Variants in STXBP5L observed in about 807,000 individuals in gnomAD.
STXBP5L encodes the protein syntaxin binding protein 5L, also known as syntaxin-binding protein 5-like.
In STXBP5L, 65 loss-of-function variants were observed where a neutral mutation model predicts 144.5. That is an observed-to-expected ratio of 0.45 (90% CI 0.37 to 0.55). The LOEUF (loss-of-function observed/expected upper bound fraction) is 0.55. Ranked by LOEUF, STXBP5L falls within the 20% of genes least tolerant of loss-of-function variation. STXBP5L has a pLI of 0.00. For synonymous variants in STXBP5L, 505 were observed against 469.6 expected (o/e 1.08, Z -0.97); for missense variants, 1,298 against 1,405.5 (o/e 0.92, Z 1.22).
At position 121,419,225 on chromosome 3, in the gene STXBP5L, A is replaced by C. The variant is rs1033612586; in HGVS notation, c.*128A>C. ...ATGTTCCATTTACAGTCAATCTGAA[A>C]TTTTCATAAAAGAGATGTATCAGAG... On this transcript the variant is annotated 3_prime_UTR_variant, in exon 27 of 27. Transcript: ENST00000471454. The C allele has an allele frequency of 8.3e-6, 8 of 958,562 alleles. No homozygotes were observed. The highest frequency in any genetic ancestry group is 9.1e-6 in the Non-Finnish European group (6 of 659,134). The allele number at this position is 958,562 out of a possible 1,614,324, so 59.4% of individuals were successfully genotyped here.
chr3:121,130,674 T>C (rs995365155), intron 7 of STXBP5L, among the ~76,000 whole-genome samples: 2 of 152,030 alleles, frequency 1.3e-5, no homozygotes, highest in Non-Finnish European at 1.5e-5. Flanking sequence ...GTAAAGAAAA[T>C]CATCACAATT....
At chr3:120,976,655 C>G (rs1321969701) in intron 3 of STXBP5L, among the ~76,000 whole-genome samples, 1 of 152,094 alleles carries the variant, frequency 6.6e-6, no homozygotes, top group Non-Finnish European at 1.5e-5. Flanking sequence ...AATTTTGGAT[C>G]TTTCCTGCTT....
intron 9 of STXBP5L, among the ~76,000 whole-genome samples, chr3:121,198,746 CT>C (rs1388075315): frequency 6.6e-6 from 1 of 151,930 alleles, no homozygotes; most frequent in Admixed American, 6.6e-5. Flanking sequence ...TAGGGAATCT[CT>C]TCCCCATTGC....
chr3:120,994,823 A>G (rs1943211623), intron 3 of STXBP5L, among the ~76,000 whole-genome samples: 2 of 151,854 alleles, frequency 1.3e-5, no homozygotes, highest in East Asian at 3.9e-4. Context: ...TTACTCTTCA[A>G]TTTTTTGGAA....
intron 5 of STXBP5L, among the ~76,000 whole-genome samples, chr3:121,049,207 G>A (rs1281239703): frequency 6.6e-6 from 1 of 152,142 alleles, no homozygotes; most frequent in Non-Finnish European, 1.5e-5. Flanking sequence ...AGGGGTTCAT[G>A]GTAGTCCCTA....
intron 18 of STXBP5L, among the ~76,000 whole-genome samples, chr3:121,269,215 G>A (rs1003842567): frequency 8.6e-5 from 13 of 151,830 alleles, no homozygotes; most frequent in African/African-American, 2.2e-4. Context: ...CTGGTTGGCC[G>A]AAGTCTAACT....
Position 121,257,149 on chromosome 3 carries a change from G to T in STXBP5L, c.1660-12G>T. On this transcript the variant is annotated splice_polypyrimidine_tract_variant and intron_variant, in intron 16 of 26. Transcript: ENST00000471454. ...TGTGACTTAAATTAAATTTAAACTTGATTTTTTTAAGTCATTAGAGGTACG... is the reference window on the plus strand; with the variant it reads ...TGTGACTTAAATTAAATTTAAACTTTATTTTTTTAAGTCATTAGAGGTACG... The T allele has an allele frequency of 1.9e-6, 3 of 1,557,012 alleles. No individual in the cohort carries two copies. Among genetic ancestry groups the T allele is most frequent in the South Asian group, 1.2e-5 (1 of 84,836 alleles).
chr3:121,016,141 G>T (rs541751695), intron 3 of STXBP5L, among the ~76,000 whole-genome samples: 3 of 152,202 alleles, frequency 2.0e-5, no homozygotes, highest in Admixed American at 6.5e-5. Flanking sequence ...TACTCTAAAG[G>T]TCATTTACCT....
At chr3:121,373,384 A>T (rs914710581) in intron 20 of STXBP5L, among the ~76,000 whole-genome samples, 45 of 152,142 alleles carry the variant, frequency 3.0e-4, no homozygotes, top group African/African-American at 1.0e-3. Context: ...AGTCCACAAG[A>T]CTGCATTGTT....
intron 18 of STXBP5L, among the ~76,000 whole-genome samples, chr3:121,262,218 G>C (rs577112747): frequency 6.6e-6 from 1 of 152,278 alleles, no homozygotes; most frequent in South Asian, 2.1e-4. Flanking sequence ...TTGTGACCTT[G>C]CTTCCCAAAA....
intron 3 of STXBP5L, among the ~76,000 whole-genome samples, chr3:120,978,504 C>T (rs1290578154): frequency 2.0e-5 from 3 of 152,178 alleles, no homozygotes; most frequent in South Asian, 2.1e-4. Context: ...CCTCCTGTAG[C>T]TCGGAGTAGT....
intron 22 of STXBP5L, 86 bp downstream of exon 22, chr3:121,381,618 T>C: frequency 6.6e-7 from 1 of 1,526,218 alleles, no homozygotes; most frequent in Non-Finnish European, 8.8e-7. Flanking sequence ...TGTATTGATT[T>C]GGAGCAAAGG....
At chr3:121,057,517 T>A (rs1948544596) in intron 5 of STXBP5L, among the ~76,000 whole-genome samples, 1 of 152,026 alleles carries the variant, frequency 6.6e-6, no homozygotes, top group South Asian at 2.1e-4. Context: ...GGTATCCTAA[T>A]TTCCAACTCT....
chr3:120,920,338 C>T (rs1212874167), intron 2 of STXBP5L, among the ~76,000 whole-genome samples: 1 of 151,340 alleles, frequency 6.6e-6, no homozygotes, highest in Non-Finnish European at 1.5e-5. Context: ...GGGGTACTTT[C>T]CTGCTTCTTA....
At chr3:121,173,819 CA>C (rs1172695473) in intron 9 of STXBP5L, among the ~76,000 whole-genome samples, 3 of 151,954 alleles carry the variant, frequency 2.0e-5, no homozygotes, top group Admixed American at 6.6e-5. Flanking sequence ...TAATATACAC[CA>C]TGCAATTCAG....
At chr3:121,330,905 T>A (rs946868244) in intron 20 of STXBP5L, among the ~76,000 whole-genome samples, 2 of 152,222 alleles carry the variant, frequency 1.3e-5, no homozygotes, top group African/African-American at 4.8e-5. Context: ...ACAGAATCTA[T>A]ATCACTCGCC....
chr3:120,967,325 G>T (rs757578183), intron 3 of STXBP5L, among the ~76,000 whole-genome samples: 1 of 152,118 alleles, frequency 6.6e-6, no homozygotes, highest in African/African-American at 2.4e-5. Flanking sequence ...ACCAGTCCCA[G>T]TGAGATTAAG....
intron 3 of STXBP5L, among the ~76,000 whole-genome samples, chr3:120,957,903 A>G (rs1174213707): frequency 6.6e-6 from 1 of 152,210 alleles, no homozygotes; most frequent in Non-Finnish European, 1.5e-5. Context: ...GAAATAACTA[A>G]GATCAGAGCA....
intron 3 of STXBP5L, among the ~76,000 whole-genome samples, chr3:120,983,189 T>C (rs912429470): frequency 1.3e-5 from 2 of 152,120 alleles, no homozygotes; most frequent in African/African-American, 4.8e-5. Context: ...GGCAGGAGTC[T>C]AAGGGCAGAA....
Sources: gnomAD v4.1 joint callset for allele counts (sites outside exome capture counted in the v4.1 genomes callset) on GRCh38, gnomAD v4.1.1 for gene constraint, MANE v1.5 for transcripts, NCBI Gene and HGNC (gene_info 2026-07-23, HGNC 2026-07-21) for gene names.